The following HOMER2 variants were observed in gnomAD, a reference collection of about 807,000 sequenced individuals.
HOMER2 encodes the protein homer scaffold protein 2, also known as homer protein homolog 2.
Under a neutral mutation model 47.0 loss-of-function variants are expected in HOMER2, and 27 were observed. That is an observed-to-expected ratio of 0.57 (90% confidence interval 0.42 to 0.79). HOMER2 has a LOEUF of 0.79. HOMER2 is among the 30% of genes least tolerant of loss of function. The probability of loss-of-function intolerance (pLI) is 0.00; values close to 1 mark genes in which losing one functional copy is unlikely to be tolerated. For synonymous variants in HOMER2, 161 were observed against 163.8 expected (o/e 0.98, Z 0.13); for missense variants, 443 against 435.0 (o/e 1.02, Z -0.16).
At chr15:82,907,988 A>G (rs1567047027) in intron 1 of HOMER2, among the ~76,000 whole-genome samples, 1 of 152,218 alleles carries the variant, frequency 6.6e-6, no homozygotes, top group Non-Finnish European at 1.5e-5. Context: ...TCAGTGAAAG[A>G]AGGCAGTCAC....
At position 82,838,248 on chromosome 15, in the gene HOMER2, T is replaced by C. The variant is rs565419357; in HGVS notation, c.*9026A>G. 3.1e-3 allele frequency: 469 copies of C among 152,570 alleles called. 2 individuals are homozygous for C. Among genetic ancestry groups the C allele is most frequent in the Non-Finnish European group, 5.1e-3 (346 of 68,244 alleles). 9.5% of individuals were successfully genotyped at this position (152,570 alleles called of 1,614,324 possible). On this transcript the variant is annotated 3_prime_UTR_variant, in exon 2 of 2. Coordinates refer to the HOMER2 transcript ENST00000558090. ...TCAGAGCAGCGGTAGAGTGAAGAGA[T>C]GACATGGCAAGATGGAGAAGCACAA...
chr15:82,854,879 G>C, intron 5 of HOMER2, 79 bp from the exon 6 acceptor site: 1 of 1,517,670 alleles, frequency 6.6e-7, no homozygotes, highest in South Asian at 1.2e-5. Flanking sequence ...AGGGGACTCC[G>C]CCATCCCTCA....
intron 4 of HOMER2, among the ~76,000 whole-genome samples, chr15:82,861,205 A>G (rs546906212): frequency 1.3e-5 from 2 of 152,296 alleles, no homozygotes; most frequent in East Asian, 1.9e-4. Context: ...CTTTAACCCA[A>G]TATCTCCATT....
At chr15:82,869,780 A>G (rs2151058144) in intron 3 of HOMER2, among the ~76,000 whole-genome samples, 1 of 152,292 alleles carries the variant, frequency 6.6e-6, no homozygotes, top group South Asian at 2.1e-4. Flanking sequence ...CTTGATCGCT[A>G]CATATTACCC....
chr15:82,892,311 T>A (rs976860340), intron 2 of HOMER2, among the ~76,000 whole-genome samples: 3 of 152,158 alleles, frequency 2.0e-5, no homozygotes, highest in Non-Finnish European at 2.9e-5. Context: ...ATTCTAGGAA[T>A]CTATCCTAAG....
chr15:82,970,072 G>T (rs933785271), intron 1 of HOMER2, among the ~76,000 whole-genome samples: 1 of 152,242 alleles, frequency 6.6e-6, no homozygotes, highest in Non-Finnish European at 1.5e-5. Context: ...TACATGGTAA[G>T]TGAGGGGCAA....
chr15:82,873,661 G>A (rs1204907770), intron 3 of HOMER2, among the ~76,000 whole-genome samples: 3 of 152,218 alleles, frequency 2.0e-5, no homozygotes, highest in Non-Finnish European at 4.4e-5. Context: ...GTGATCTGGA[G>A]GTTTTAGCAC....
At chr15:82,860,646 CA>C (rs905725620) in intron 4 of HOMER2, among the ~76,000 whole-genome samples, 2 of 151,960 alleles carry the variant, frequency 1.3e-5, no homozygotes, top group African/African-American at 2.4e-5. Flanking sequence ...TAAAGAAGTA[CA>C]AAATGAAGGC....
chr15:82,896,523 G>A (rs759865688), intron 1 of HOMER2, among the ~76,000 whole-genome samples: 2 of 152,188 alleles, frequency 1.3e-5, no homozygotes, highest in African/African-American at 2.4e-5. Flanking sequence ...GGCTCACCTG[G>A]CCACACTCTT....
chr15:82,877,798 A>T (rs1360301905), intron 2 of HOMER2, among the ~76,000 whole-genome samples: 1 of 152,216 alleles, frequency 6.6e-6, no homozygotes, highest in African/African-American at 2.4e-5. Flanking sequence ...ATGAGAAGTC[A>T]AGAGATCTGT....
At chr15:82,916,927 G>A (rs769807533) in intron 1 of HOMER2, among the ~76,000 whole-genome samples, 50 of 152,118 alleles carry the variant, frequency 3.3e-4, no homozygotes, top group Non-Finnish European at 6.0e-4. Flanking sequence ...TCAACCTCCC[G>A]AGTAGCTGGG....
At chr15:82,955,026 T>C (rs940163211), upstream of HOMER2, among the ~76,000 whole-genome samples, 2 of 152,170 alleles carry the variant, frequency 1.3e-5, no homozygotes, top group Non-Finnish European at 2.9e-5. Flanking sequence ...TCGGCCCACC[T>C]CAGCCTCCCA....
At chr15:82,915,144 A>G (rs947027086) in intron 1 of HOMER2, among the ~76,000 whole-genome samples, 1 of 119,924 alleles carries the variant, frequency 8.3e-6, no homozygotes, top group African/African-American at 4.0e-5. Context: ...TTTTTAATTG[A>G]AAAAAAAAAA....
At chr15:82,977,761 A>G (rs1482247916) in intron 1 of HOMER2, among the ~76,000 whole-genome samples, 1 of 152,232 alleles carries the variant, frequency 6.6e-6, no homozygotes, top group Non-Finnish European at 1.5e-5. Context: ...AGTCCAGGAA[A>G]CAAATGTGTT....
intron 1 of HOMER2, among the ~76,000 whole-genome samples, chr15:82,970,898 C>G (rs917882978): frequency 6.6e-6 from 1 of 152,184 alleles, no homozygotes; most frequent in African/African-American, 2.4e-5. Flanking sequence ...TTATCGCTGG[C>G]AAAATTCAAT....
At chr15:82,843,869 C>A (rs78825412) in exon 2 of HOMER2, 3,289 of 152,236 alleles carry the variant, frequency 0.022, 54 homozygotes, top group Non-Finnish European at 0.034. Context: ...ATTGTTGCAA[C>A]AGGATATGTT....
chr15:82,863,609 A>G (rs2051865138), intron 4 of HOMER2, among the ~76,000 whole-genome samples: 1 of 152,136 alleles, frequency 6.6e-6, no homozygotes, highest in Non-Finnish European at 1.5e-5. Context: ...CCACCACCAC[A>G]TATACTAATC....
intron 5 of HOMER2, among the ~76,000 whole-genome samples, chr15:82,857,110 G>T (rs147294399): frequency 6.2e-4 from 95 of 152,242 alleles, no homozygotes; most frequent in Admixed American, 5.9e-3. Context: ...TAGGAGGCGG[G>T]GGGGCGGGTG....
At chr15:82,956,545 T>TGGGAGAAGAGGGGATAAGAAG (rs2054589440), upstream of HOMER2, among the ~76,000 whole-genome samples, 1 of 152,126 alleles carries the variant, frequency 6.6e-6, no homozygotes, top group Non-Finnish European at 1.5e-5. Flanking sequence ...CACTCACTCC[T>TGGGAGAAGAGGGGATAAGAAG]GGGAGAAGAG....
Sources: allele counts gnomAD v4.1 joint callset (sites outside exome capture counted in the v4.1 genomes callset), GRCh38; gene constraint gnomAD v4.1.1; transcripts MANE v1.5; gene names NCBI Gene and HGNC (gene_info 2026-07-23, HGNC 2026-07-21).